Variants in TRMT44 observed in about 807,000 individuals in gnomAD.
TRMT44 encodes tRNA methyltransferase 44 homolog, also known as probable tRNA (uracil-O(2)-)-methyltransferase.
TRMT44 carries 78 observed loss-of-function variants against 77.3 expected under a neutral mutation model. The observed-to-expected ratio is 1.01, with a 90% CI of 0.84 to 1.22. The LOEUF (loss-of-function observed/expected upper bound fraction) is 1.22. Among genes scored for constraint, TRMT44 ranks in the 50% most tolerant of loss-of-function variants. TRMT44 has a pLI of 0.00. For synonymous variants in TRMT44, 391 were observed against 383.3 expected, an observed-to-expected ratio of 1.02 and a Z score of -0.23; for missense variants, 1,090 against 964.4, an observed-to-expected ratio of 1.13 and a Z score of -1.73.
In TRMT44 at chr4:8,452,028, G is replaced by C. The variant is rs1341405548; in HGVS notation, c.1023G>C (p.Leu341=). 2.0e-6 allele frequency: 3 copies of C among 1,536,388 alleles called. No individual in the cohort carries two copies. The highest frequency in any genetic ancestry group is 2.6e-6 in the Non-Finnish European group (3 of 1,146,844). ...YEDVAIAAYL[L]ILWEEERAER... is the part of the protein sequence containing the mutation. Reference sequence around the variant, plus strand: ...ATGTGGCTATCGCAGCATACCTGCTGGTAAGGGTGTAAGCGACCTCAGCTT... The same window carrying C: ...ATGTGGCTATCGCAGCATACCTGCTCGTAAGGGTGTAAGCGACCTCAGCTT... The change falls in exon 4 of 11, where the codon CTG becomes CTC. Residue 341 remains leucine, a splice_region_variant and synonymous_variant. Coordinates refer to ENST00000389737, the MANE Select transcript of TRMT44 (RefSeq NM_152544.3). The surrounding 1 kb of genome is among the most constrained non-coding windows in gnomAD (Gnocchi z 5.7).
intron 8 of TRMT44, 85 bp downstream of exon 8, chr4:8,465,646 T>C: frequency 1.6e-6 from 2 of 1,225,588 alleles, no homozygotes; most frequent in African/African-American, 1.5e-5. Context: ...CCATGAACCA[T>C]GCTGTAACGT....
downstream of TRMT44, among the ~76,000 whole-genome samples, chr4:8,480,563 C>T (rs1337890742): frequency 2.0e-5 from 3 of 152,192 alleles, no homozygotes; most frequent in East Asian, 5.8e-4. Context: ...TTGCTCTAGC[C>T]CACTTACCCA....
the TRMT44 span, among the ~76,000 whole-genome samples, chr4:8,513,223 G>C: frequency 6.6e-6 from 1 of 152,206 alleles, no homozygotes; most frequent in African/African-American, 2.4e-5. Context: ...ACATGGCTAT[G>C]GAGACCTCAC....
chr4:8,493,700 G>C (rs556208593), downstream of TRMT44, among the ~76,000 whole-genome samples: 44 of 152,132 alleles, frequency 2.9e-4, no homozygotes, highest in Admixed American at 8.5e-4. Flanking sequence ...TAGTCACCTT[G>C]CTCTCAGCGC....
chr4:8,445,684 C>G (rs1004127333), intron 1 of TRMT44, among the ~76,000 whole-genome samples: 11 of 152,220 alleles, frequency 7.2e-5, no homozygotes, highest in African/African-American at 2.7e-4. Context: ...AGAGTTTTCT[C>G]GGCCCCACAC....
downstream of TRMT44, among the ~76,000 whole-genome samples, chr4:8,496,003 T>C (rs573409237): frequency 1.3e-5 from 2 of 152,302 alleles, no homozygotes; most frequent in African/African-American, 2.4e-5. Context: ...GCTACTTCAT[T>C]TGCATAGAGT....
At chr4:8,511,391 C>G in the TRMT44 span, among the ~76,000 whole-genome samples, 2 of 152,152 alleles carry the variant, frequency 1.3e-5, no homozygotes, top group African/African-American at 4.8e-5. Flanking sequence ...TCCCCCCTCC[C>G]CCACAAAATG....
At position 8,451,902 on chromosome 4, in the gene TRMT44, T is replaced by C. The variant is rs1725475254; in HGVS notation, c.955-58T>C. 1 of 1,436,794 alleles carries C rather than the reference T, an allele frequency of 7.0e-7. No individual in the cohort carries two copies. Among genetic ancestry groups the C allele is most frequent in the Non-Finnish European group, 9.5e-7 (1 of 1,056,554 alleles). The allele number at this position is 1,436,794 out of a possible 1,614,324, so 89.0% of individuals were successfully genotyped here. ...ATGCTTTATAGGGATACTTAAAGTA[T>C]TGGGAAATGGTGGTGGGGAAACCGA... On this transcript the variant is annotated intron_variant, in intron 3 of 10. Coordinates refer to ENST00000389737, the MANE Select transcript of TRMT44 (RefSeq NM_152544.3). This position sits in a 1 kb window ranked among gnomAD's most constrained non-coding sequence, Gnocchi z 4.1.
the TRMT44 span, chr4:8,507,461 C>G: frequency 6.5e-6 from 1 of 153,120 alleles, no homozygotes; most frequent in Non-Finnish European, 1.5e-5. Context: ...CCATCCTCCC[C>G]CAGCGCCTGC....
chr4:8,449,370 C>T (rs1194792268), intron 2 of TRMT44, among the ~76,000 whole-genome samples: 1 of 152,254 alleles, frequency 6.6e-6, no homozygotes, highest in African/African-American at 2.4e-5. Flanking sequence ...GACGCTTAGA[C>T]TCTGGCTCCT....
intron 6 of TRMT44, among the ~76,000 whole-genome samples, chr4:8,463,683 C>A (rs538431141): frequency 1.3e-5 from 2 of 152,342 alleles, no homozygotes; most frequent in Non-Finnish European, 2.9e-5. Context: ...TCTCCTGGAG[C>A]TCCTTCTTAT....
At chr4:8,470,891 C>A in intron 9 of TRMT44, 193 bp from the exon 10 acceptor site, 1 of 517,894 alleles carries the variant, frequency 1.9e-6, no homozygotes, top group Non-Finnish European at 3.5e-6. Flanking sequence ...GCCACCTTAG[C>A]TGGGTGGGGA....
intron 7 of TRMT44, 84 bp downstream of exon 7, chr4:8,464,175 C>A: frequency 1.9e-6 from 2 of 1,057,094 alleles, no homozygotes; most frequent in Non-Finnish European, 2.8e-6. Context: ...TAGCCACTAG[C>A]TGCGTGCAGT....
At chr4:8,513,232 A>G in the TRMT44 span, among the ~76,000 whole-genome samples, 1 of 152,370 alleles carries the variant, frequency 6.6e-6, no homozygotes, top group Non-Finnish European at 1.5e-5. Flanking sequence ...TGGAGACCTC[A>G]CAATCATGGC....
intron 1 of TRMT44, 76 bp downstream of exon 1, chr4:8,441,517 C>A: frequency 7.1e-7 from 1 of 1,418,108 alleles, no homozygotes; most frequent in Non-Finnish European, 9.2e-7. Context: ...ATGAAAAAGT[C>A]CTAAGGGTAC....
rs746994879 is a variant in TRMT44 at position 8,471,173 on chromosome 4, C to A, written c.2017C>A (p.Leu673Ile). ...GGAGTGTGGGGGCCTGCAGACGCTG[C>A]TCCGGAACAGCCACCAGGTGTTCCA... ...KRECGGLQTL[L>I]RNSHQVFQVV... The change falls in exon 10 of 11, where the codon CTC becomes ATC. Residue 673 changes from leucine (L) to isoleucine (I), a missense_variant. Transcript: ENST00000389737. The A allele has an allele frequency of 6.2e-7, 1 of 1,605,622 alleles. No individual in the cohort carries two copies. The highest frequency in any genetic ancestry group is 1.1e-5 in the South Asian group (1 of 89,936).
chr4:8,458,929 T>C (rs1725980847), intron 6 of TRMT44, among the ~76,000 whole-genome samples: 1 of 151,840 alleles, frequency 6.6e-6, no homozygotes. Flanking sequence ...CCAGGTACAG[T>C]GGCTCACACC....
chr4:8,501,665 TC>T, the TRMT44 span, among the ~76,000 whole-genome samples: 1 of 152,202 alleles, frequency 6.6e-6, no homozygotes, highest in African/African-American at 2.4e-5. This position sits in a 1 kb window ranked among gnomAD's most constrained non-coding sequence, Gnocchi z 4.4. Flanking sequence ...TTTGGACTCT[TC>T]CTCTCCCTCT....
intron 6 of TRMT44, among the ~76,000 whole-genome samples, chr4:8,457,133 G>GA (rs948648798): frequency 6.6e-6 from 1 of 151,690 alleles, no homozygotes; most frequent in African/African-American, 2.4e-5. Flanking sequence ...CCCTATTCTG[G>GA]AAAAAATGCC....
Sources: gnomAD v4.1 joint callset for allele counts (sites outside exome capture counted in the v4.1 genomes callset) on GRCh38, gnomAD v4.1.1 for gene constraint, Gnocchi (gnomAD v3.1) non-coding constraint, MANE v1.5 for transcripts, NCBI Gene and HGNC (gene_info 2026-07-23, HGNC 2026-07-21) for gene names.